The following XG variants were observed in gnomAD, a reference collection of about 807,000 sequenced individuals.
XG encodes Xg glycoprotein (Xg blood group), also known as glycoprotein Xg.
A neutral mutation model predicts 25.7 loss-of-function variants in XG; 24 were observed. The ratio of observed to expected loss-of-function variants is 0.93; its 90% CI spans 0.68 to 1.31. The LOEUF (loss-of-function observed/expected upper bound fraction) is 1.31. Ranked by LOEUF, XG falls within the 40% of genes most tolerant of loss-of-function variation. The pLI, the probability that XG is intolerant of heterozygous loss-of-function variation, is 0.00. For missense variants in XG, 181 were observed against 187.6 expected, an observed-to-expected ratio of 0.96 and a Z score of 0.21; for synonymous variants, 77 against 69.2, an observed-to-expected ratio of 1.11 and a Z score of -0.56.
At chrX:2,807,238 A>G (rs1231931898) in intron 8 of XG, among the ~76,000 whole-genome samples, 2 of 112,991 alleles carry the variant, frequency 1.8e-5, no homozygotes, top group Non-Finnish European at 3.7e-5. Context: ...CTTGGGTTGC[A>G]TGTGCATTGC....
Position 2,811,172 on chromosome X carries a change from C to G in XG, c.455-164C>G, listed in dbSNP as rs192779017. On this transcript the variant is annotated intron_variant, in intron 9 of 10. Transcript: ENST00000644266. ...CTGTGAATACAAGGGTGGGAAGGGACGTGATGGAGAAGTTACTAGATAGAT... is the reference window on the plus strand; with the variant it reads ...CTGTGAATACAAGGGTGGGAAGGGAGGTGATGGAGAAGTTACTAGATAGAT... 4.6e-5 allele frequency among the ~76,000 whole-genome samples: 5 copies of G among 109,130 alleles called. No individual in the cohort carries two copies. The East Asian group carries it at 8.6e-4, about 19-fold the overall frequency. The allele number at this position is 109,130 out of a possible 115,157, so 94.8% of individuals were successfully genotyped here.
At chrX:2,794,661 G>A (rs1021173337) in intron 6 of XG, 58 bp downstream of exon 6, 5 of 1,155,901 alleles carry the variant, frequency 4.3e-6, no homozygotes, top group Non-Finnish European at 5.8e-6. Context: ...AGGGTGGGAT[G>A]AGAGGCCTGA....
chrX:2,752,094 G>C lies in XG; in HGVS notation c.-181G>C, dbSNP rs2050341671. 9.5e-6 allele frequency: 9 copies of C among 949,584 alleles called. No homozygotes were observed. The highest frequency in any genetic ancestry group is 1.4e-5 in the Non-Finnish European group (9 of 640,794). 58.8% of individuals were successfully genotyped at this position (949,584 alleles called of 1,614,324 possible). On this transcript the variant is annotated 5_prime_UTR_variant, in exon 1 of 11. Coordinates refer to ENST00000644266, the MANE Select transcript of XG (RefSeq NM_001141919.2). ...ACAGGTTTTCAGCTGTGGAGTTTGGGATCTGAGCTTGGAGCCCATTTGTTT... is the reference window on the plus strand; with the variant it reads ...ACAGGTTTTCAGCTGTGGAGTTTGGCATCTGAGCTTGGAGCCCATTTGTTT...
At chrX:2,784,134 C>G (rs2086761243) in intron 4 of XG, among the ~76,000 whole-genome samples, 1 of 111,676 alleles carries the variant, frequency 9.0e-6, no homozygotes, top group African/African-American at 3.3e-5. Flanking sequence ...CTATTTCCTC[C>G]TAGTCTTTTA....
At chrX:2,786,353 C>T (rs2086784569) in intron 4 of XG, among the ~76,000 whole-genome samples, 1 of 103,438 alleles carries the variant, frequency 9.7e-6, no homozygotes, top group Non-Finnish European at 2.0e-5. Context: ...CTGCAACCTC[C>T]GCCTCCTGGG....
chrX:2,781,857 C>CT (rs3214987), intron 3 of XG, among the ~76,000 whole-genome samples: 21,753 of 109,158 alleles, frequency 0.2, 1,849 homozygotes, highest in East Asian at 0.5. Flanking sequence ...AAACGGAAAC[C>CT]TTTTTTTTTA....
In XG at chrX:2,801,727, G is replaced by T. The variant is rs776652658; in HGVS notation, c.373+4367G>T. Among the ~76,000 whole-genome samples the T allele has an allele frequency of 1.9e-4, 20 of 105,142 alleles. 1 individual carries two copies. In the South Asian group the frequency reaches 4.7e-3, roughly 25 times the overall value. 91.3% of individuals were successfully genotyped at this position (105,142 alleles called of 115,157 possible). ...TATTTTTTATTTTTTATTTTTTTTT[G>T]AGACGGAGTCTCGCTCTGTCGCCCA... On this transcript the variant is annotated intron_variant, in intron 7 of 10. Coordinates refer to ENST00000644266, the MANE Select transcript of XG (RefSeq NM_001141919.2).
In XG at chrX:2,757,887, G is replaced by C. The variant is rs924184628; in HGVS notation, c.61+5552G>C. On this transcript the variant is annotated intron_variant, in intron 1 of 10. Transcript: ENST00000644266. ...TTCAGGAGGCTGAGACAGGAGAATC[G>C]CTTGAACCCAGGAGGCGGAGGTTGC... 1.1e-4 allele frequency among the ~76,000 whole-genome samples: 16 copies of C among 146,112 alleles called. 1 individual carries two copies. The highest frequency in any genetic ancestry group is 4.1e-4 in the African/African-American group (16 of 38,932).
intron 1 of XG, among the ~76,000 whole-genome samples, chrX:2,768,674 A>C (rs2050751355): frequency 6.6e-6 from 1 of 152,210 alleles, no homozygotes; most frequent in Admixed American, 6.5e-5. Context: ...CGGCTGAGGC[A>C]CAAGAATCGT....
At chrX:2,794,879 T>C (rs2086869745) in intron 6 of XG, among the ~76,000 whole-genome samples, 1 of 112,272 alleles carries the variant, frequency 8.9e-6, no homozygotes, top group Non-Finnish European at 1.9e-5. Flanking sequence ...CGGTCATTTC[T>C]GTTTAGACTT....
chrX:2,802,635 G>A (rs1266452544), intron 7 of XG, among the ~76,000 whole-genome samples: 2 of 109,073 alleles, frequency 1.8e-5, no homozygotes, highest in South Asian at 4.2e-4. Flanking sequence ...TGTGTGGGAC[G>A]GCAGAGCTCG....
intron 4 of XG, among the ~76,000 whole-genome samples, chrX:2,782,555 G>A (rs1316830634): frequency 8.1e-5 from 9 of 111,134 alleles, no homozygotes; most frequent in Non-Finnish European, 1.7e-4. Context: ...TTGGGAAGTG[G>A]GGAGTGCTGA....
intron 4 of XG, among the ~76,000 whole-genome samples, chrX:2,784,161 G>A (rs1408055298): frequency 5.4e-5 from 6 of 111,238 alleles, no homozygotes; most frequent in African/African-American, 2.0e-4. Context: ...ATTGTCCTGC[G>A]GATCATGGCT....
intron 1 of XG, among the ~76,000 whole-genome samples, chrX:2,769,259 C>T (rs1206640839): frequency 2.6e-5 from 4 of 152,202 alleles, no homozygotes; most frequent in African/African-American, 4.8e-5. Context: ...GGGAGACAGA[C>T]ATCAGAGCGG....
At chrX:2,778,667 C>T (rs1297568671) in intron 3 of XG, among the ~76,000 whole-genome samples, 1 of 152,056 alleles carries the variant, frequency 6.6e-6, no homozygotes, top group Non-Finnish European at 1.5e-5. Flanking sequence ...TGAGAGAGGT[C>T]GCAGCTATAA....
At chrX:2,796,308 AAC>A (rs1298312407) in intron 6 of XG, among the ~76,000 whole-genome samples, 5 of 108,372 alleles carry the variant, frequency 4.6e-5, no homozygotes, top group Admixed American at 2.0e-4. Context: ...TATTTGTATA[AAC>A]ACATATTTGT....
chrX:2,759,003 CCTAT>C (rs1268814820), intron 1 of XG, among the ~76,000 whole-genome samples: 4 of 147,744 alleles, frequency 2.7e-5, no homozygotes, highest in Non-Finnish European at 4.5e-5. Context: ...ATCTCTATTA[CCTAT>C]CTATGTATCT....
Position 2,814,516 on chromosome X carries a change from T to C in XG, c.*136T>C, listed in dbSNP as rs1378563841. 5.4e-5 allele frequency: 42 copies of C among 773,341 alleles called. 1 individual carries two copies. Among genetic ancestry groups the C allele is most frequent in the Non-Finnish European group, 7.4e-5 (41 of 554,858 alleles). The allele number at this position is 773,341 out of a possible 1,213,427, so 63.7% of individuals were successfully genotyped here. On this transcript the variant is annotated 3_prime_UTR_variant, in exon 11 of 11. Transcript: ENST00000644266. Reference sequence around the variant, plus strand: ...TGTGTTTTCTTCTGTGTAAAGTACATGAGCTGCCTCACTAAGCATTCCCAA... The same window carrying C: ...TGTGTTTTCTTCTGTGTAAAGTACACGAGCTGCCTCACTAAGCATTCCCAA...
At position 2,815,921 on chromosome X, in the gene XG, AAAAT is replaced by A. The variant is rs2087101158; in HGVS notation, c.*1544_*1547del. On this transcript the variant is annotated 3_prime_UTR_variant, in exon 11 of 11. Coordinates refer to ENST00000644266, the MANE Select transcript of XG (RefSeq NM_001141919.2). ...AATCATTTTAAATAAATGTAAAAGA[AAAAT>A]AACTGGATTTGATTATTGAATAGTT... 1 of 112,229 alleles carries A rather than the reference AAAAT, an allele frequency of 8.9e-6. No homozygotes were observed. 9.2% of individuals were successfully genotyped at this position (112,229 alleles called of 1,213,427 possible).
Sources: allele counts gnomAD v4.1 joint callset (sites outside exome capture counted in the v4.1 genomes callset), GRCh38; gene constraint gnomAD v4.1.1; transcripts MANE v1.5; gene names NCBI Gene and HGNC (gene_info 2026-07-23, HGNC 2026-07-21).